C8orf34: variants seen among roughly 807,000 people sequenced by gnomAD.
The protein encoded by C8orf34 is chromosome 8 open reading frame 34.
C8orf34 carries 65 observed loss-of-function variants against 68.3 expected under a neutral mutation model. The ratio of observed to expected loss-of-function variants is 0.95; its 90% CI spans 0.78 to 1.17. C8orf34 has a LOEUF of 1.17. C8orf34 is among the 50% of genes most tolerant of loss of function. C8orf34 has a pLI of 0.00. For synonymous variants in C8orf34, 244 were observed against 241.2 expected (o/e 1.01, Z -0.11); for missense variants, 664 against 655.4 (o/e 1.01, Z -0.14).
intron 12 of C8orf34, among the ~76,000 whole-genome samples, chr8:68,790,385 T>C (rs1044731299): frequency 2.6e-5 from 4 of 152,228 alleles, no homozygotes; most frequent in African/African-American, 9.6e-5. Flanking sequence ...TTGACTCAGC[T>C]TTCTATAAAT....
intron 1 of C8orf34, among the ~76,000 whole-genome samples, chr8:68,402,150 A>G (rs1315926735): frequency 6.6e-6 from 1 of 152,098 alleles, no homozygotes. Context: ...GTACGTTTCC[A>G]GGAATTTATT....
intron 7 of C8orf34, among the ~76,000 whole-genome samples, chr8:68,544,985 C>A (rs12542480): frequency 0.091 from 13,771 of 152,060 alleles, 1,173 homozygotes; most frequent in East Asian, 0.46. Context: ...GAAATAATGT[C>A]CATTTTATCC....
intron 12 of C8orf34, among the ~76,000 whole-genome samples, chr8:68,805,403 TG>T (rs1027004381): frequency 6.6e-6 from 1 of 152,208 alleles, no homozygotes; most frequent in African/African-American, 2.4e-5. Context: ...CTGTATGTTT[TG>T]GGGGGTGTTG....
At chr8:68,731,083 G>A (rs1821964567) in intron 10 of C8orf34, among the ~76,000 whole-genome samples, 1 of 152,154 alleles carries the variant, frequency 6.6e-6, no homozygotes, top group South Asian at 2.1e-4. Context: ...TGTGCAGGAT[G>A]TGTGCTGGGA....
chr8:68,467,194 A>C (rs960128382), intron 3 of C8orf34, among the ~76,000 whole-genome samples: 3 of 151,910 alleles, frequency 2.0e-5, no homozygotes, highest in Admixed American at 6.6e-5. Flanking sequence ...CCCTATAGTA[A>C]TGCAGTTATT....
chr8:68,762,858 T>G (rs930183600), intron 10 of C8orf34, among the ~76,000 whole-genome samples: 1 of 152,198 alleles, frequency 6.6e-6, no homozygotes, highest in Non-Finnish European at 1.5e-5. Flanking sequence ...GCTCTTCTAG[T>G]CCCCAAAGGG....
At chr8:68,543,983 T>G (rs1299261923) in intron 7 of C8orf34, among the ~76,000 whole-genome samples, 1 of 152,158 alleles carries the variant, frequency 6.6e-6, no homozygotes, top group Non-Finnish European at 1.5e-5. Context: ...GACACTCCCC[T>G]GGCCAACTTG....
intron 1 of C8orf34, among the ~76,000 whole-genome samples, chr8:68,409,347 A>T (rs532092254): frequency 6.6e-5 from 10 of 152,188 alleles, no homozygotes; most frequent in Non-Finnish European, 1.0e-4. Context: ...AAGACCTTCC[A>T]GTGGGACAAG....
At chr8:68,749,730 A>C (rs1335525046) in intron 10 of C8orf34, among the ~76,000 whole-genome samples, 1 of 152,212 alleles carries the variant, frequency 6.6e-6, no homozygotes, top group Non-Finnish European at 1.5e-5. Context: ...TCTTTCACTT[A>C]AATAATGTTT....
Position 68,443,272 on chromosome 8 carries a change from AAG to A in C8orf34, c.476-3053_476-3052del, listed in dbSNP as rs1389921098. ...TTAGAGGGAACGTATGGCAGGAAGG[AAG>A]AGAAAAGCATAGATGAATTTTTGGA... On this transcript the variant is annotated intron_variant, in intron 2 of 13. Coordinates refer to ENST00000518698, the MANE Select transcript of C8orf34 (RefSeq NM_052958.4). Among the ~76,000 whole-genome samples the A allele has an allele frequency of 3.9e-4, 60 of 152,310 alleles. 1 individual carries two copies. Among genetic ancestry groups the A allele is most frequent in the Middle Eastern group, 3.4e-3 (1 of 294 alleles).
At chr8:68,506,891 T>G (rs1040495962) in intron 5 of C8orf34, among the ~76,000 whole-genome samples, 2 of 152,210 alleles carry the variant, frequency 1.3e-5, no homozygotes, top group African/African-American at 4.8e-5. Context: ...ATAAGTTTTC[T>G]AGAGCCGTTT....
intron 6 of C8orf34, 43 bp downstream of exon 6, chr8:68,522,014 A>G: frequency 6.5e-7 from 1 of 1,545,626 alleles, no homozygotes. Context: ...ACTAGTCATT[A>G]AAAGGTAAAG....
chr8:68,595,545 C>G (rs911749219), intron 7 of C8orf34, among the ~76,000 whole-genome samples: 1 of 151,826 alleles, frequency 6.6e-6, no homozygotes, highest in African/African-American at 2.4e-5. Flanking sequence ...AATGTTTCTT[C>G]TGGGATGTGG....
At chr8:68,730,503 A>G (rs1821950343) in intron 10 of C8orf34, among the ~76,000 whole-genome samples, 1 of 152,164 alleles carries the variant, frequency 6.6e-6, no homozygotes, top group African/African-American at 2.4e-5. Context: ...CATGTTAAGG[A>G]TGAAAATATT....
chr8:68,577,895 G>A (rs976564230), intron 7 of C8orf34, among the ~76,000 whole-genome samples: 96 of 148,012 alleles, frequency 6.5e-4, no homozygotes, highest in African/African-American at 2.0e-3. Flanking sequence ...ATACAAACAC[G>A]AAAAAAAAAA....
intron 11 of C8orf34, among the ~76,000 whole-genome samples, chr8:68,781,863 C>A (rs1351594814): frequency 6.6e-6 from 1 of 152,116 alleles, no homozygotes; most frequent in Non-Finnish European, 1.5e-5. Context: ...GTACTTTAGG[C>A]AATTTGCATT....
intron 1 of C8orf34, among the ~76,000 whole-genome samples, chr8:68,374,500 G>C (rs556100952): frequency 8.7e-4 from 133 of 152,256 alleles, no homozygotes; most frequent in Non-Finnish European, 1.5e-3. Flanking sequence ...TGAGGTTTCA[G>C]CTGTTCACCA....
chr8:68,743,952 C>G (rs1181737123), intron 10 of C8orf34, among the ~76,000 whole-genome samples: 19 of 152,164 alleles, frequency 1.2e-4, no homozygotes, highest in South Asian at 1.0e-3. Context: ...AACAAAAAGA[C>G]AGCAGTAACC....
chr8:68,717,960 G>A (rs746797601), intron 9 of C8orf34, among the ~76,000 whole-genome samples: 2 of 152,228 alleles, frequency 1.3e-5, no homozygotes, highest in South Asian at 4.2e-4. Context: ...CTGGCCATTC[G>A]TTGACACTCG....
Sources: gnomAD v4.1 joint callset for allele counts (sites outside exome capture counted in the v4.1 genomes callset) on GRCh38, gnomAD v4.1.1 for gene constraint, MANE v1.5 for transcripts, NCBI Gene and HGNC (gene_info 2026-07-23, HGNC 2026-07-21) for gene names.